The following INIP variants were observed in gnomAD, a reference collection of about 807,000 sequenced individuals.
INIP encodes the protein SOSS complex subunit C.
INIP carries 9 observed loss-of-function variants against 14.0 expected under a neutral mutation model. The observed-to-expected ratio is 0.64, with a 90% confidence interval of 0.39 to 1.12. The LOEUF is 1.12. Among genes scored for constraint, INIP ranks in the 50% most tolerant of loss-of-function variants. The pLI is 0.01. For missense variants in INIP, 78 were observed against 122.7 expected (o/e 0.64, Z 1.72); for synonymous variants, 37 against 41.5 (o/e 0.89, Z 0.41).
intron 2 of INIP, among the ~76,000 whole-genome samples, chr9:112,706,622 A>G (rs1449090327): frequency 6.6e-6 from 1 of 152,144 alleles, no homozygotes; most frequent in African/African-American, 2.4e-5. Flanking sequence ...GCATCAATAT[A>G]TAACTTTTAA....
In INIP at chr9:112,685,471, A is replaced by T. The variant is rs1837627152; in HGVS notation, c.*2067T>A. The T allele has an allele frequency of 6.6e-6, 1 of 152,120 alleles. No individual in the cohort carries two copies. Among genetic ancestry groups the T allele is most frequent in the South Asian group, 2.1e-4 (1 of 4,824 alleles). 9.4% of individuals were successfully genotyped at this position (152,120 alleles called of 1,614,324 possible). A position where few individuals can be genotyped will look rare whatever the true frequency, so the allele number is the denominator to read the frequency against. ...GAATTGAATTTGTAACTCAAAGCAG[A>T]GGGGTGGAGAGAAGTGCTTCCTAGC... is the stretch of plus-strand genomic sequence containing the variant. On this transcript the variant is annotated 3_prime_UTR_variant, in exon 5 of 5. Coordinates refer to ENST00000374242, the MANE Select transcript of INIP (RefSeq NM_021218.3).
Position 112,710,622 on chromosome 9 carries a change from C to T in INIP, c.25+5839G>A, listed in dbSNP as rs1046008953. ...TCAAGGGCGTATGAAATTTAGCAGTCCTGATTACTATGACGGCATGAAAGA... is the reference window on the plus strand; with the variant it reads ...TCAAGGGCGTATGAAATTTAGCAGTTCTGATTACTATGACGGCATGAAAGA... On this transcript the variant is annotated intron_variant, in intron 2 of 4. Transcript: ENST00000374242. 7.8e-4 allele frequency among the ~76,000 whole-genome samples: 118 copies of T among 152,248 alleles called. 1 individual carries two copies. Among genetic ancestry groups the T allele is most frequent in the African/African-American group, 2.7e-3 (111 of 41,556 alleles).
At chr9:112,711,714 C>T (rs1838653028) in intron 2 of INIP, among the ~76,000 whole-genome samples, 1 of 152,150 alleles carries the variant, frequency 6.6e-6, no homozygotes, top group African/African-American at 2.4e-5. Context: ...GCACACAAAT[C>T]GCACATGGCT....
chr9:112,687,625 A>G lies in INIP; in HGVS notation c.228T>C (p.His76=), dbSNP rs771263218. 1.7e-5 allele frequency: 26 copies of G among 1,553,774 alleles called. No individual in the cohort carries two copies. Among genetic ancestry groups the G allele is most frequent in the South Asian group, 1.2e-5 (1 of 83,002 alleles). ...AQQKAALQHA[H]AHSSGYFITQ... ...TGATGAAGTATCCAGATGAATGTGC[A>G]TGAGCATGCTGGGAAAGATTAAAAA... Residue 76 remains histidine (H), a synonymous_variant, in exon 5 of 5, where the codon CAT becomes CAC. Transcript: ENST00000374242.
intron 4 of INIP, among the ~76,000 whole-genome samples, chr9:112,688,897 C>A (rs934137119): frequency 7.9e-5 from 12 of 152,060 alleles, no homozygotes; most frequent in Non-Finnish European, 1.3e-4. Context: ...AATGTTCCTT[C>A]CAATTCTGGG....
At position 112,684,430 on chromosome 9, in the gene INIP, G is replaced by A. The variant is rs959832776; in HGVS notation, c.*3108C>T. The A allele has an allele frequency of 6.6e-6, 1 of 152,096 alleles. No individual in the cohort carries two copies. Among genetic ancestry groups the A allele is most frequent in the African/African-American group, 2.4e-5 (1 of 41,390 alleles). 9.4% of individuals were successfully genotyped at this position (152,096 alleles called of 1,614,324 possible). ...TAGCTGGGCATGGTGGCATGTGCCT[G>A]TAGTCTCAGCTACTTGGGAGGCTAA... On this transcript the variant is annotated 3_prime_UTR_variant, in exon 5 of 5. Transcript: ENST00000374242.
intron 2 of INIP, among the ~76,000 whole-genome samples, chr9:112,697,509 T>C (rs1349400006): frequency 6.6e-6 from 1 of 151,938 alleles, no homozygotes; most frequent in East Asian, 1.9e-4. Context: ...CTTGAGCCCA[T>C]GAAGTAGAGG....
intron 2 of INIP, among the ~76,000 whole-genome samples, chr9:112,700,266 G>A (rs1317986827): frequency 1.3e-5 from 2 of 152,022 alleles, no homozygotes; most frequent in African/African-American, 4.8e-5. Flanking sequence ...GGAATGGAGT[G>A]CACTGTTGAA....
chr9:112,704,274 G>C (rs570242300), intron 2 of INIP, among the ~76,000 whole-genome samples: 13 of 152,290 alleles, frequency 8.5e-5, no homozygotes, highest in African/African-American at 3.1e-4. Flanking sequence ...GACATTGTGA[G>C]TTCTAAAACG....
intron 2 of INIP, among the ~76,000 whole-genome samples, chr9:112,702,777 A>C (rs1251167153): frequency 2.0e-5 from 3 of 152,102 alleles, no homozygotes; most frequent in Non-Finnish European, 2.9e-5. Context: ...GTTGGCCAGG[A>C]TGGTCTTGAT....
At chr9:112,717,839 G>C (rs555646613) in intron 1 of INIP, 148 bp downstream of exon 1, 2 of 152,666 alleles carry the variant, frequency 1.3e-5, no homozygotes, top group African/African-American at 4.8e-5. Context: ...GGCTGTGAAC[G>C]AGACGAAGGA....
chr9:112,717,694 G>T (rs185949974), intron 1 of INIP, among the ~76,000 whole-genome samples: 11 of 152,260 alleles, frequency 7.2e-5, no homozygotes, highest in African/African-American at 1.7e-4. Flanking sequence ...GAATCGTTAG[G>T]TGTCTCCAGC....
At chr9:112,696,430 CAG>C (rs1212626673) in intron 2 of INIP, among the ~76,000 whole-genome samples, 1 of 152,272 alleles carries the variant, frequency 6.6e-6, no homozygotes, top group East Asian at 1.9e-4. Context: ...CTTTGAGAGA[CAG>C]AGGAAAAACC....
intron 2 of INIP, among the ~76,000 whole-genome samples, chr9:112,703,230 C>T (rs950117444): frequency 6.6e-6 from 1 of 152,122 alleles, no homozygotes; most frequent in African/African-American, 2.4e-5. Context: ...ATGGTCAATG[C>T]AACCTTATAA....
chr9:112,701,049 G>C (rs1342800039), intron 2 of INIP, among the ~76,000 whole-genome samples: 1 of 152,226 alleles, frequency 6.6e-6, no homozygotes, highest in African/African-American at 2.4e-5. Context: ...CCACTGGCCA[G>C]GAACGGTGGC....
chr9:112,713,782 G>A (rs2131317468), intron 2 of INIP, among the ~76,000 whole-genome samples: 1 of 152,266 alleles, frequency 6.6e-6, no homozygotes, highest in East Asian at 1.9e-4. Flanking sequence ...CCTGAGGTCA[G>A]GAGTTCGAGA....
chr9:112,713,657 C>CCCA (rs1838715612), intron 2 of INIP, among the ~76,000 whole-genome samples: 1 of 151,734 alleles, frequency 6.6e-6, no homozygotes, highest in Non-Finnish European at 1.5e-5. Flanking sequence ...CACCTCAGAG[C>CCCA]CCAGCCTGAG....
Position 112,713,180 on chromosome 9 carries a change from A to G in INIP, c.25+3281T>C, listed in dbSNP as rs1838700176. ...ACAAATACTTCATAAAGGAAGATTT[A>G]CAATGGCCAATAAGTACAACGAAAG... is the stretch of plus-strand genomic sequence containing the variant. On this transcript the variant is annotated intron_variant, in intron 2 of 4. Coordinates refer to ENST00000374242, the MANE Select transcript of INIP (RefSeq NM_021218.3). Among the ~76,000 whole-genome samples, 3 of 152,394 alleles carry G rather than the reference A, an allele frequency of 2.0e-5. 1 individual carries two copies. The South Asian group carries it at 6.2e-4, about 32-fold the overall frequency.
intron 2 of INIP, 132 bp downstream of exon 2, chr9:112,716,329 A>G: frequency 2.7e-6 from 2 of 752,538 alleles, no homozygotes; most frequent in South Asian, 2.9e-5. Context: ...GGCGTGAGCC[A>G]CCGCTCCCGG....
Sources: allele counts gnomAD v4.1 joint callset (sites outside exome capture counted in the v4.1 genomes callset), GRCh38; gene constraint gnomAD v4.1.1; transcripts MANE v1.5; gene names NCBI Gene and HGNC (gene_info 2026-07-23, HGNC 2026-07-21).